Variants in FAT4 observed in about 807,000 individuals in gnomAD.
The protein encoded by FAT4 is protocadherin Fat 4.
FAT4 carries 84 observed loss-of-function variants against 303.9 expected under a neutral mutation model. The observed-to-expected ratio is 0.28, with a 90% CI of 0.23 to 0.33. The LOEUF (loss-of-function observed/expected upper bound fraction) is 0.33. Among genes scored for constraint, FAT4 ranks in the 10% least tolerant of loss-of-function variants. The probability of loss-of-function intolerance (pLI) is 1.00; values close to 1 mark genes in which losing one functional copy is unlikely to be tolerated. For missense variants in FAT4, 6,005 were observed against 6,146.8 expected (o/e 0.98, Z 0.77); for synonymous variants, 2,307 against 2,298.8 (o/e 1.00, Z -0.10).
chr4:125,321,642 C>A (rs1560758013), intron 2 of FAT4, 56 bp downstream of exon 2: 1 of 1,476,162 alleles, frequency 6.8e-7, no homozygotes. Flanking sequence ...AAAAATCATT[C>A]TCTTTATATT....
chr4:125,335,344 A>T (rs1305492089), intron 2 of FAT4, among the ~76,000 whole-genome samples: 1 of 151,986 alleles, frequency 6.6e-6, no homozygotes, highest in African/African-American at 2.4e-5. Flanking sequence ...GATGTTGATG[A>T]TGGGGTTGAG....
chr4:125,330,067 C>T (rs920505004), intron 2 of FAT4, among the ~76,000 whole-genome samples: 1 of 152,200 alleles, frequency 6.6e-6, no homozygotes, highest in Non-Finnish European at 1.5e-5. Context: ...TTGTTCTCTT[C>T]TCTTACTTGG....
intron 2 of FAT4, among the ~76,000 whole-genome samples, chr4:125,350,122 A>T (rs1578548303): frequency 1.3e-5 from 2 of 151,558 alleles, no homozygotes; most frequent in East Asian, 3.9e-4. Flanking sequence ...TGTGTAGGAC[A>T]GTTCTTGCAG....
chr4:125,439,075 T>C (rs1725555104), intron 8 of FAT4, among the ~76,000 whole-genome samples: 1 of 152,222 alleles, frequency 6.6e-6, no homozygotes, highest in Admixed American at 6.5e-5. Flanking sequence ...TTACTTTATG[T>C]TATACATTTT....
Position 125,451,288 on chromosome 4 carries a change from C to T in FAT4, c.10278C>T (p.Thr3426=). 6.2e-7 allele frequency: 1 copy of T among 1,614,086 alleles called. No homozygotes were observed. The change falls in exon 10 of 18, where the codon ACC becomes ACT. Residue 3426 remains threonine (T), a synonymous_variant. Transcript: ENST00000394329. ...SEGVPIGTHV[T]FVSAFDSDSI... ...GGGTCCCAATAGGAACTCATGTGAC[C>T]TTTGTCAGTGCCTTTGACTCAGACT...
intron 2 of FAT4, among the ~76,000 whole-genome samples, chr4:125,381,424 T>C (rs111631952): frequency 2.0e-4 from 31 of 151,404 alleles, no homozygotes; most frequent in Non-Finnish European, 4.1e-4. Context: ...AAGCAAGTCA[T>C]ACAGTTTTTT....
At position 125,415,265 on chromosome 4, in the gene FAT4, C is replaced by G; in HGVS notation, c.6302C>G (p.Thr2101Ser). The change falls in exon 6 of 18, where the codon ACC becomes AGC. Residue 2101 changes from threonine (T) to serine (S), a missense_variant. Coordinates refer to ENST00000394329, the MANE Select transcript of FAT4 (RefSeq NM_001291303.3). ...TTGGGAAACAAGTTCAGTATTGGGA[C>G]CATTGATGGTGAAGTGAGGCTCACT... Reference protein sequence around the residue: ...NPLGNKFSIGTIDGEVRLTGE... With the variant: ...NPLGNKFSIGSIDGEVRLTGE... 6.2e-7 allele frequency: 1 copy of G among 1,613,982 alleles called. No individual in the cohort carries two copies. The highest frequency in any genetic ancestry group is 8.5e-7 in the Non-Finnish European group (1 of 1,179,966).
intron 2 of FAT4, among the ~76,000 whole-genome samples, chr4:125,362,230 AT>A (rs374859634): frequency 7.5e-4 from 114 of 151,332 alleles, no homozygotes; most frequent in East Asian, 2.3e-3. Flanking sequence ...ACACATAAAC[AT>A]TTTTTTTTCC....
rs772844065 is a variant in FAT4, at chr4:125,452,149, C to T, written c.11139C>T (p.Asn3713=). Residue 3713 remains asparagine (N), a synonymous_variant, in exon 10 of 18, where the codon AAC becomes AAT. Transcript: ENST00000394329. The part of the protein sequence containing the change: ...FAGFSNATVD[N]SILLRLGVPT... ...GATTTTCCAATGCCACAGTGGATAACAGCATCTTACTTCGTCTCGGCGTAC... is the reference window on the plus strand; with the variant it reads ...GATTTTCCAATGCCACAGTGGATAATAGCATCTTACTTCGTCTCGGCGTAC... The T allele has an allele frequency of 2.0e-5, 33 of 1,614,206 alleles. No homozygotes were observed. In the South Asian group the frequency reaches 3.5e-4, roughly 17 times the overall value.
intron 2 of FAT4, among the ~76,000 whole-genome samples, chr4:125,386,681 A>C (rs1283378248): frequency 3.9e-5 from 6 of 152,204 alleles, no homozygotes; most frequent in African/African-American, 1.4e-4. Context: ...AATTTATATC[A>C]CATAAAATTT....
intron 2 of FAT4, 137 bp downstream of exon 2, chr4:125,321,723 G>C: frequency 1.1e-6 from 1 of 885,130 alleles, no homozygotes; most frequent in East Asian, 2.7e-5. Flanking sequence ...AAAATGTTCT[G>C]TCAAAGGCTA....
intron 2 of FAT4, among the ~76,000 whole-genome samples, chr4:125,354,872 G>T (rs1239602906): frequency 6.6e-6 from 1 of 151,610 alleles, no homozygotes; most frequent in Non-Finnish European, 1.5e-5. Context: ...ACTGTTCAAA[G>T]CAGTACTCCT....
intron 2 of FAT4, among the ~76,000 whole-genome samples, chr4:125,340,903 A>G (rs541748454): frequency 1.3e-5 from 2 of 152,342 alleles, no homozygotes; most frequent in East Asian, 3.9e-4. Flanking sequence ...TTGACAAGCT[A>G]TTGCAAGCAA....
chr4:125,457,928 T>C (rs967733244), intron 10 of FAT4, among the ~76,000 whole-genome samples: 5 of 152,016 alleles, frequency 3.3e-5, no homozygotes, highest in African/African-American at 1.2e-4. Context: ...AATTAGAAAG[T>C]ACAGTAATAG....
In FAT4 at chr4:125,321,545, A is replaced by T. The variant is rs1156267761; in HGVS notation, c.5134A>T (p.Ile1712Leu). ...TCTTTACCTGGTGGATGTTTATGCC[A>T]TAGAAAAATCAACTGCTTTTCCCAG... ...ACLYLVDVYA[I>L]EKSTAFPRTQ... The change falls in exon 2 of 18, where the codon ATA becomes TTA. Residue 1712 changes from isoleucine (I) to leucine (L), a missense_variant. Coordinates refer to ENST00000394329, the MANE Select transcript of FAT4 (RefSeq NM_001291303.3). 1.9e-6 allele frequency: 3 copies of T among 1,612,384 alleles called. No individual in the cohort carries two copies. The highest frequency in any genetic ancestry group is 2.7e-5 in the African/African-American group (2 of 74,936).
At chr4:125,488,582 A>G (rs1727492441) in intron 17 of FAT4, among the ~76,000 whole-genome samples, 1 of 152,176 alleles carries the variant, frequency 6.6e-6, no homozygotes, top group South Asian at 2.1e-4. Flanking sequence ...GTAAAATTCA[A>G]GGAGGTTTCT....
intron 17 of FAT4, 119 bp from the exon 18 acceptor site, chr4:125,489,782 C>A: frequency 2.7e-6 from 2 of 741,088 alleles, no homozygotes; most frequent in Non-Finnish European, 4.2e-6. Flanking sequence ...TTTCTGTATT[C>A]ATGTATTCAT....
intron 2 of FAT4, among the ~76,000 whole-genome samples, chr4:125,369,437 C>T (rs1248839259): frequency 1.3e-5 from 2 of 151,928 alleles, no homozygotes; most frequent in Non-Finnish European, 2.9e-5. Flanking sequence ...CTCCATCTCA[C>T]AAAACAAGCA....
intron 8 of FAT4, among the ~76,000 whole-genome samples, chr4:125,445,867 G>C (rs777351022): frequency 1.2e-4 from 18 of 152,148 alleles, no homozygotes; most frequent in Admixed American, 5.9e-4. Flanking sequence ...ATTTTCAACT[G>C]ATCTTCTCTG....
Sources: allele counts gnomAD v4.1 joint callset (sites outside exome capture counted in the v4.1 genomes callset), GRCh38; gene constraint gnomAD v4.1.1; transcripts MANE v1.5; gene names NCBI Gene and HGNC (gene_info 2026-07-23, HGNC 2026-07-21).